DIP2C: variants seen among roughly 807,000 people sequenced by gnomAD.
DIP2C encodes the protein disco-interacting protein 2 homolog C.
Under a neutral mutation model 192.4 loss-of-function variants are expected in DIP2C, and 33 were observed. The observed-to-expected ratio is 0.17, with a 90% CI of 0.13 to 0.23. The LOEUF is 0.23. DIP2C is among the 10% of genes least tolerant of loss of function. The pLI, the probability that DIP2C is intolerant of heterozygous loss-of-function variation, is 1.00. For synonymous variants in DIP2C, 979 were observed against 864.1 expected (o/e 1.13, Z -2.33); for missense variants, 1,537 against 2,110.1 (o/e 0.73, Z 5.32).
intron 24 of DIP2C, among the ~76,000 whole-genome samples, chr10:352,413 CAT>C (rs1223854667): frequency 6.6e-6 from 1 of 152,324 alleles, no homozygotes; most frequent in Middle Eastern, 3.4e-3. Flanking sequence ...TCAGGGCTGA[CAT>C]AAAAACAAAC....
chr10:396,169 T>TA (rs988762404), intron 10 of DIP2C, among the ~76,000 whole-genome samples: 6 of 152,264 alleles, frequency 3.9e-5, no homozygotes, highest in African/African-American at 1.4e-4. Context: ...TTTATGTCTC[T>TA]ACTACCATTC....
chr10:619,798 C>T lies in DIP2C; in HGVS notation c.85+69696G>A, dbSNP rs1029681436. On this transcript the variant is annotated intron_variant, in intron 1 of 36. Coordinates refer to ENST00000280886, the MANE Select transcript of DIP2C (RefSeq NM_014974.3). ...GGGACCGGCAGGCTGGGCTCTGCAGCGCCAGAGAGTCCTGGATAAAAATGG... is the reference window on the plus strand; with the variant it reads ...GGGACCGGCAGGCTGGGCTCTGCAGTGCCAGAGAGTCCTGGATAAAAATGG... Among the ~76,000 whole-genome samples, 8 of 152,244 alleles carry T rather than the reference C, an allele frequency of 5.3e-5. No homozygotes were observed. The South Asian group carries it at 8.3e-4, about 16-fold the overall frequency.
intron 24 of DIP2C, 83 bp from the exon 25 acceptor site, chr10:349,537 A>T: frequency 1.3e-6 from 2 of 1,511,048 alleles, no homozygotes; most frequent in Non-Finnish European, 1.8e-6. Flanking sequence ...CATACAACTC[A>T]CTGGCGCAAA....
chr10:430,455 C>G (rs1966846488), intron 4 of DIP2C: 1 of 152,384 alleles, frequency 6.6e-6, no homozygotes. Context: ...ATCCTCCCGC[C>G]TTAGCCTCCT....
chr10:298,420 T>C (rs1396510962), intron 32 of DIP2C, among the ~76,000 whole-genome samples: 1 of 152,194 alleles, frequency 6.6e-6, no homozygotes, highest in Non-Finnish European at 1.5e-5. Flanking sequence ...ACCTCGCACT[T>C]AGCTGGGTCA....
rs182366956 is a variant in DIP2C at position 421,457 on chromosome 10, C to T, written c.604+1367G>A. Among the ~76,000 whole-genome samples the T allele has an allele frequency of 8.2e-4, 125 of 152,126 alleles. 1 individual carries two copies. Among genetic ancestry groups the T allele is most frequent in the African/African-American group, 2.9e-3 (120 of 41,496 alleles). ...TGTTTGGCCTCCCCGTTCAGGTGCC[C>T]GATAAAGCTGGCAGAGCCTCAGCCA... On this transcript the variant is annotated intron_variant, in intron 5 of 36. Transcript: ENST00000280886.
At chr10:675,132 C>T (rs564085179) in intron 1 of DIP2C, among the ~76,000 whole-genome samples, 2 of 152,054 alleles carry the variant, frequency 1.3e-5, no homozygotes, top group East Asian at 3.9e-4. Flanking sequence ...AAATCAACAA[C>T]AAGAACTTTC....
At chr10:576,920 A>T (rs77842146) in intron 1 of DIP2C, among the ~76,000 whole-genome samples, 11 of 136,100 alleles carry the variant, frequency 8.1e-5, no homozygotes, top group African/African-American at 2.5e-4. Context: ...TCTGTCTAAT[A>T]AAAAAAAAAA....
At chr10:309,907 G>A in intron 32 of DIP2C, 124 bp downstream of exon 32, 1 of 932,054 alleles carries the variant, frequency 1.1e-6, no homozygotes, top group Non-Finnish European at 1.6e-6. Context: ...TCACTCATGA[G>A]ACAGTTACAC....
intron 1 of DIP2C, among the ~76,000 whole-genome samples, chr10:594,096 C>T (rs1275610191): frequency 4.6e-5 from 7 of 152,322 alleles, no homozygotes; most frequent in African/African-American, 7.2e-5. Context: ...CAGACGTTTA[C>T]GCAGTGGGAT....
intron 1 of DIP2C, among the ~76,000 whole-genome samples, chr10:637,896 CAG>C (rs1485487666): frequency 6.6e-6 from 1 of 152,200 alleles, no homozygotes; most frequent in Non-Finnish European, 1.5e-5. Flanking sequence ...ACTCAGAGGT[CAG>C]AGTCAGTCCA....
At position 357,812 on chromosome 10, in the gene DIP2C, G is replaced by A. The variant is rs747816866; in HGVS notation, c.2904+16C>T. On this transcript the variant is annotated intron_variant, in intron 23 of 36. Coordinates refer to ENST00000280886, the MANE Select transcript of DIP2C (RefSeq NM_014974.3). Reference sequence around the variant, plus strand: ...AGTCGGGGACGGTCGGGGAGACTCAGGGACCCAGCTCCTACCTTGCGTGCC... The same window carrying A: ...AGTCGGGGACGGTCGGGGAGACTCAAGGACCCAGCTCCTACCTTGCGTGCC... 1 of 1,602,350 alleles carries A rather than the reference G, an allele frequency of 6.2e-7. No homozygotes were observed. The highest frequency in any genetic ancestry group is 8.5e-7 in the Non-Finnish European group (1 of 1,171,318).
intron 1 of DIP2C, among the ~76,000 whole-genome samples, chr10:566,811 C>T (rs1481974192): frequency 1.3e-5 from 2 of 152,364 alleles, no homozygotes; most frequent in South Asian, 2.1e-4. Flanking sequence ...CCATGCGGAG[C>T]AGCGTCTATG....
At chr10:429,914 C>G (rs949379695) in intron 4 of DIP2C, among the ~76,000 whole-genome samples, 1 of 152,084 alleles carries the variant, frequency 6.6e-6, no homozygotes. Flanking sequence ...AGTGTAATTC[C>G]TAGATCATAT....
At chr10:513,907 T>C (rs889090083) in intron 1 of DIP2C, among the ~76,000 whole-genome samples, 30 of 152,334 alleles carry the variant, frequency 2.0e-4, no homozygotes, top group Middle Eastern at 3.4e-3. Context: ...CAGCCTGTCC[T>C]GGAAGCCACG....
intron 1 of DIP2C, among the ~76,000 whole-genome samples, chr10:578,498 G>A (rs1850327806): frequency 6.6e-6 from 1 of 152,210 alleles, no homozygotes; most frequent in African/African-American, 2.4e-5. Context: ...ACCTCACAGA[G>A]CTGTTTATGA....
rs184532081 is a variant in DIP2C, at chr10:382,340, C to T, written c.1991+307G>A. Reference sequence around the variant, plus strand: ...CCAGAAGAAACCAGAGATTGGTACACGCACATGGAAATTGGAGTAAATTCC... The same window carrying T: ...CCAGAAGAAACCAGAGATTGGTACATGCACATGGAAATTGGAGTAAATTCC... On this transcript the variant is annotated intron_variant, in intron 17 of 36. Coordinates refer to ENST00000280886, the MANE Select transcript of DIP2C (RefSeq NM_014974.3). Among the ~76,000 whole-genome samples, 338 of 152,290 alleles carry T rather than the reference C, an allele frequency of 2.2e-3. 1 individual carries two copies. Among genetic ancestry groups the T allele is most frequent in the Admixed American group, 0.019 (283 of 15,290 alleles).
chr10:627,711 G>A (rs1305256783), intron 1 of DIP2C, among the ~76,000 whole-genome samples: 1 of 152,268 alleles, frequency 6.6e-6, no homozygotes, highest in Non-Finnish European at 1.5e-5. Flanking sequence ...ATCGTTGAGG[G>A]CCGTGCACGC....
At chr10:346,746 T>A (rs71489241) in intron 26 of DIP2C, among the ~76,000 whole-genome samples, 1 of 18,956 alleles carries the variant, frequency 5.3e-5, no homozygotes, top group South Asian at 3.4e-3. Context: ...CCCAGACACA[T>A]CACGCATAGT....
Sources: gnomAD v4.1 joint callset for allele counts (sites outside exome capture counted in the v4.1 genomes callset) on GRCh38, gnomAD v4.1.1 for gene constraint, MANE v1.5 for transcripts, NCBI Gene and HGNC (gene_info 2026-07-23, HGNC 2026-07-21) for gene names.